Variants in WDPCP observed in about 807,000 individuals in gnomAD.
WDPCP encodes WD repeat containing planar cell polarity effector.
Under a neutral mutation model 93.1 loss-of-function variants are expected in WDPCP, and 71 were observed. That is an observed-to-expected ratio of 0.76 (90% CI 0.63 to 0.93). The LOEUF is 0.93. Ranked by LOEUF, WDPCP falls within the 40% of genes least tolerant of loss-of-function variation. The pLI is 0.00. For missense variants in WDPCP, 844 were observed against 887.4 expected, an observed-to-expected ratio of 0.95 and a Z score of 0.62; for synonymous variants, 315 against 315.0, an observed-to-expected ratio of 1.00 and a Z score of 0.00.
intron 3 of WDPCP, chr2:63,622,211 G>A: frequency 6.2e-7 from 1 of 1,603,762 alleles, no homozygotes; most frequent in Non-Finnish European, 8.5e-7. Context: ...GCTTCTTGGT[G>A]GCCGCCTTGC....
At chr2:63,624,443 T>C (rs1282714727) in intron 3 of WDPCP, among the ~76,000 whole-genome samples, 1 of 151,710 alleles carries the variant, frequency 6.6e-6, no homozygotes, top group Non-Finnish European at 1.5e-5. Flanking sequence ...GCCAGACTAA[T>C]ATAGAAGAAA....
chr2:63,605,003 T>G (rs2094697032), intron 3 of WDPCP: 7 of 867,602 alleles, frequency 8.1e-6, no homozygotes, highest in Non-Finnish European at 1.1e-5. Flanking sequence ...GGGATCATAG[T>G]AAGCCAGTCA....
chr2:63,154,509 A>T (rs1455017251), intron 15 of WDPCP, among the ~76,000 whole-genome samples: 1 of 152,210 alleles, frequency 6.6e-6, no homozygotes, highest in East Asian at 1.9e-4. Context: ...GCTGAGCAGT[A>T]TTCCATTACA....
At chr2:63,559,002 T>C (rs764236959) in intron 1 of WDPCP, among the ~76,000 whole-genome samples, 1 of 152,066 alleles carries the variant, frequency 6.6e-6, no homozygotes, top group South Asian at 2.1e-4. Flanking sequence ...CAGGCCAACA[T>C]CCCTGATGAA....
chr2:63,607,826 CAA>C (rs60229846), intron 3 of WDPCP, among the ~76,000 whole-genome samples: 108 of 118,942 alleles, frequency 9.1e-4, no homozygotes, highest in Middle Eastern at 4.3e-3. Context: ...GACTCCGTCT[CAA>C]AAAAAAAAAA....
At chr2:63,339,666 T>A (rs191775272) in intron 12 of WDPCP, among the ~76,000 whole-genome samples, 2 of 152,188 alleles carry the variant, frequency 1.3e-5, no homozygotes, top group Non-Finnish European at 2.9e-5. Context: ...CTTTTCCAGT[T>A]TGGATGCCCT....
intron 1 of WDPCP, among the ~76,000 whole-genome samples, chr2:63,539,693 A>G (rs537487959): frequency 1.3e-5 from 2 of 152,340 alleles, no homozygotes; most frequent in African/African-American, 4.8e-5. Flanking sequence ...CTCAAAAAAA[A>G]TAATAAAAAA....
chr2:63,656,606 A>G (rs1011520206), intron 2 of WDPCP, among the ~76,000 whole-genome samples: 1 of 152,244 alleles, frequency 6.6e-6, no homozygotes, highest in Non-Finnish European at 1.5e-5. Flanking sequence ...TGAGAAGACA[A>G]AGTCAAGATT....
intron 2 of WDPCP, among the ~76,000 whole-genome samples, chr2:63,666,210 G>A (rs1205898576): frequency 6.6e-6 from 1 of 152,122 alleles, no homozygotes; most frequent in Non-Finnish European, 1.5e-5. Context: ...AAAATGAAAT[G>A]CTTTTCATTT....
chr2:63,369,466 A>C, intron 12 of WDPCP: 1 of 456,666 alleles, frequency 2.2e-6, no homozygotes, highest in Non-Finnish European at 4.4e-6. Context: ...TCACTGAATA[A>C]AAGTACCAGA....
At chr2:63,836,475 A>C in the WDPCP span, among the ~76,000 whole-genome samples, 15 of 152,240 alleles carry the variant, frequency 9.9e-5, no homozygotes, top group Non-Finnish European at 2.2e-4. Context: ...CTATACATAT[A>C]TCACTACAGT....
intron 2 of WDPCP, among the ~76,000 whole-genome samples, chr2:63,809,432 C>T (rs528416735): frequency 0.011 from 1,676 of 152,190 alleles, 16 homozygotes; most frequent in Middle Eastern, 0.02. Flanking sequence ...TCATTGAGAA[C>T]GGGCCATGAT....
intron 3 of WDPCP, chr2:63,595,086 A>G (rs1249542760): frequency 8.2e-6 from 3 of 367,816 alleles, no homozygotes; most frequent in African/African-American, 4.2e-5. Flanking sequence ...CAGATACTGT[A>G]CTTAGCTTTC....
chr2:63,793,556 AG>A (rs1389877627), intron 2 of WDPCP, among the ~76,000 whole-genome samples: 1 of 152,192 alleles, frequency 6.6e-6, no homozygotes, highest in Non-Finnish European at 1.5e-5. Flanking sequence ...GATTATAGTG[AG>A]CTATGATTGT....
Position 63,281,372 on chromosome 2 carries a change from C to T in WDPCP, c.1813-21963G>A, listed in dbSNP as rs975948920. ...GTGGTGAAAAGGGAACACTTTTACA[C>T]TGTTGGTGGGAATGTAAACTAGTAC... On this transcript the variant is annotated intron_variant, in intron 13 of 17. Coordinates refer to ENST00000272321, the MANE Select transcript of WDPCP (RefSeq NM_015910.7). Among the ~76,000 whole-genome samples the T allele has an allele frequency of 3.3e-5, 5 of 152,126 alleles. No homozygotes were observed. In the South Asian group the frequency reaches 1.0e-3, roughly 31 times the overall value.
At chr2:63,604,969 T>C in intron 3 of WDPCP, 1 of 1,230,054 alleles carries the variant, frequency 8.1e-7, no homozygotes, top group Non-Finnish European at 1.1e-6. Flanking sequence ...TCTTTCACAG[T>C]TGCTCTGATG....
intron 13 of WDPCP, among the ~76,000 whole-genome samples, chr2:63,295,665 G>C (rs1452076544): frequency 6.6e-6 from 1 of 151,844 alleles, no homozygotes; most frequent in Non-Finnish European, 1.5e-5. Context: ...AGAAAACCTT[G>C]AGGAAATATA....
At chr2:63,770,961 G>A (rs1246771695) in intron 2 of WDPCP, among the ~76,000 whole-genome samples, 1 of 151,490 alleles carries the variant, frequency 6.6e-6, no homozygotes, top group East Asian at 1.9e-4. Flanking sequence ...TCTTTATTAT[G>A]TTAAAAATAA....
At chr2:63,512,535 T>C (rs998119672) in intron 1 of WDPCP, among the ~76,000 whole-genome samples, 3 of 152,232 alleles carry the variant, frequency 2.0e-5, no homozygotes, top group Non-Finnish European at 4.4e-5. Flanking sequence ...ATGTGGCACA[T>C]ATATACCATG....
Sources: gnomAD v4.1 joint callset for allele counts (sites outside exome capture counted in the v4.1 genomes callset) on GRCh38, gnomAD v4.1.1 for gene constraint, MANE v1.5 for transcripts, NCBI Gene and HGNC (gene_info 2026-07-23, HGNC 2026-07-21) for gene names.